CCPG1: variants seen among roughly 807,000 people sequenced by gnomAD.
CCPG1 encodes the protein cell cycle progression protein 1.
Under a neutral mutation model 81.3 loss-of-function variants are expected in CCPG1, and 46 were observed. The observed-to-expected ratio is 0.57, with a 90% CI of 0.45 to 0.72. The LOEUF (loss-of-function observed/expected upper bound fraction) is 0.72. Ranked by LOEUF, CCPG1 falls within the 30% of genes least tolerant of loss-of-function variation. CCPG1 has a pLI of 0.00. For missense variants in CCPG1, 902 were observed against 937.6 expected, an observed-to-expected ratio of 0.96 and a Z score of 0.50; for synonymous variants, 330 against 305.2, an observed-to-expected ratio of 1.08 and a Z score of -0.85.
At chr15:55,392,315 G>A (rs1033063195) in intron 1 of CCPG1, among the ~76,000 whole-genome samples, 5 of 149,414 alleles carry the variant, frequency 3.3e-5, no homozygotes, top group South Asian at 2.1e-4. Context: ...TGGTTCAAGC[G>A]ATTCTCCTGC....
intron 6 of CCPG1, among the ~76,000 whole-genome samples, chr15:55,369,324 T>C (rs1475541373): frequency 6.6e-6 from 1 of 151,978 alleles, no homozygotes; most frequent in Non-Finnish European, 1.5e-5. Context: ...TCACCTGAGG[T>C]CAGGAGTTCG....
intron 1 of CCPG1, among the ~76,000 whole-genome samples, chr15:55,406,887 G>A (rs545166036): frequency 1.6e-4 from 24 of 152,062 alleles, no homozygotes; most frequent in Non-Finnish European, 2.5e-4. Context: ...CAGCTTTTTT[G>A]ACTGAAATTC....
chr15:55,374,328 A>T, intron 5 of CCPG1: 1 of 705,472 alleles, frequency 1.4e-6, no homozygotes, highest in Non-Finnish European at 2.1e-6. Flanking sequence ...AATTAAAAAT[A>T]CTTAATTATC....
At position 55,360,393 on chromosome 15, in the gene CCPG1, T is replaced by G; in HGVS notation, c.1380A>C (p.Gly460=). ...TCTTTTTTCCATCTGTTCCTTGTTTTCCATTTTGATCTTTTGCCTCAACAT... is the reference window on the plus strand; with the variant it reads ...TCTTTTTTCCATCTGTTCCTTGTTTGCCATTTTGATCTTTTGCCTCAACAT... ...RLYVEAKDQN[G]KQGTDGKKKG... is the part of the protein sequence containing the mutation. The change falls in exon 8 of 9, where the codon GGA becomes GGC. Residue 460 remains glycine (G), a synonymous_variant. Transcript: ENST00000442196. 1 of 1,613,874 alleles carries G rather than the reference T, an allele frequency of 6.2e-7. No homozygotes were observed. Among genetic ancestry groups the G allele is most frequent in the South Asian group, 1.1e-5 (1 of 91,076 alleles).
At chr15:55,403,026 A>G (rs1485485341) in intron 1 of CCPG1, among the ~76,000 whole-genome samples, 1 of 152,186 alleles carries the variant, frequency 6.6e-6, no homozygotes, top group Admixed American at 6.5e-5. Context: ...AACCCATTTG[A>G]CTTTTTTTCT....
intron 7 of CCPG1, among the ~76,000 whole-genome samples, chr15:55,363,124 G>A (rs1165061915): frequency 6.6e-6 from 1 of 152,052 alleles, no homozygotes; most frequent in Non-Finnish European, 1.5e-5. Context: ...GAGGCAGGCA[G>A]ATTACCTGAG....
In CCPG1 at chr15:55,374,241, C is replaced by T. The variant is rs779202851; in HGVS notation, c.455-2197G>A. 3.0e-5 allele frequency: 39 copies of T among 1,287,584 alleles called. No homozygotes were observed. The South Asian group carries it at 4.8e-4, about 16-fold the overall frequency. 79.8% of individuals were successfully genotyped at this position (1,287,584 alleles called of 1,614,324 possible). On this transcript the variant is annotated intron_variant, in intron 5 of 8. Coordinates refer to ENST00000442196, the MANE Select transcript of CCPG1 (RefSeq NM_001204450.2). The stretch of plus-strand genomic sequence containing the variant: ...CTCAGGAATCTTCCACAGCTTCTCC[C>T]ACCACCTTTCTTTTGTGAATAAACA...
intron 6 of CCPG1, among the ~76,000 whole-genome samples, chr15:55,367,960 G>C (rs752164369): frequency 6.6e-6 from 1 of 151,954 alleles, no homozygotes; most frequent in Non-Finnish European, 1.5e-5. Flanking sequence ...AAAAAGTTCC[G>C]GCACTTTTTT....
intron 1 of CCPG1, among the ~76,000 whole-genome samples, chr15:55,396,691 G>A (rs1192646750): frequency 6.6e-6 from 1 of 152,206 alleles, no homozygotes; most frequent in Non-Finnish European, 1.5e-5. Flanking sequence ...TTTATGCTGG[G>A]ATAGAGAAGC....
chr15:55,375,611 G>A (rs1050540229), intron 5 of CCPG1, among the ~76,000 whole-genome samples: 4 of 151,660 alleles, frequency 2.6e-5, no homozygotes, highest in Middle Eastern at 6.3e-3. Context: ...GTGTTTTCAC[G>A]TTCATGTTTA....
chr15:55,374,440 G>A (rs1349970404), intron 5 of CCPG1, among the ~76,000 whole-genome samples: 1 of 152,048 alleles, frequency 6.6e-6, no homozygotes, highest in African/African-American at 2.4e-5. Flanking sequence ...CTTTTTGTCA[G>A]GGAAGAGAGT....
Position 55,359,536 on chromosome 15 carries a change from G to T in CCPG1, c.2234+3C>A. On this transcript the variant is annotated splice_donor_region_variant and intron_variant, in intron 8 of 8. Transcript: ENST00000442196. ...GTAATGACACGGTTTTATGTAAACC[G>T]ACCTGGGTCCATATGGAGGGGAAAA... 1.3e-6 allele frequency: 2 copies of T among 1,596,562 alleles called. No homozygotes were observed. The highest frequency in any genetic ancestry group is 2.3e-5 in the South Asian group (2 of 87,864).
chr15:55,402,544 C>G (rs2057147389), intron 1 of CCPG1, among the ~76,000 whole-genome samples: 1 of 152,040 alleles, frequency 6.6e-6, no homozygotes. Context: ...GTACTTGTTT[C>G]TAAAATACTT....
chr15:55,394,584 T>C (rs189192904), intron 1 of CCPG1, among the ~76,000 whole-genome samples: 4 of 152,274 alleles, frequency 2.6e-5, no homozygotes, highest in Admixed American at 2.6e-4. Context: ...CTCAAATCAA[T>C]AAGCCCACTT....
rs373371190 is a variant in CCPG1 at position 55,378,305 on chromosome 15, T to C, written c.247A>G (p.Ile83Val). The change falls in exon 4 of 9, where the codon ATT becomes GTT. Residue 83 changes from isoleucine to valine, a missense_variant. Ile to Val is a conservative substitution (Grantham distance 29, BLOSUM62 3). Transcript: ENST00000442196. ...AGTGTAAAATACAAGTTTACCTCAA[T>C]TGTTGAGCTGGTTTCCTCCAAAGCT... Reference protein sequence around the residue: ...YPALEETSSTIEAEEQKIPED... With the variant: ...YPALEETSSTVEAEEQKIPED... The C allele has an allele frequency of 5.4e-5, 86 of 1,602,192 alleles. 1 individual carries two copies. The African/African-American group carries it at 8.8e-4, about 16-fold the overall frequency.
At position 55,359,852 on chromosome 15, in the gene CCPG1, T is replaced by C. The variant is rs1269269642; in HGVS notation, c.1921A>G (p.Met641Val). 1.9e-6 allele frequency: 3 copies of C among 1,613,698 alleles called. No individual in the cohort carries two copies. Among genetic ancestry groups the C allele is most frequent in the East Asian group, 2.2e-5 (1 of 44,858 alleles). Residue 641 changes from methionine (M) to valine (V), a missense_variant, in exon 8 of 9, where the codon ATG becomes GTG. Physicochemically the swap from Met to Val is conservative, Grantham distance 21. Around this residue, in one of 3 missense-constraint regions of CCPG1, gnomAD observed 746 missense variants for 728.6 expected, o/e 1.02. Transcript: ENST00000442196. ...GVFDCAQQES[M>V]SLFNTVVNPI... ...TTCACCACTGTGTTAAAAAGGCTCA[T>C]GGACTCTTGTTGAGCACAATCAAAT...
intron 2 of CCPG1, among the ~76,000 whole-genome samples, chr15:55,387,151 T>C (rs1364228538): frequency 6.6e-6 from 1 of 151,832 alleles, no homozygotes; most frequent in East Asian, 1.9e-4. Flanking sequence ...AGAAGAGAGA[T>C]AAAAGTACAA....
chr15:55,362,027 G>C (rs1003370023), intron 7 of CCPG1, among the ~76,000 whole-genome samples: 1 of 151,780 alleles, frequency 6.6e-6, no homozygotes, highest in East Asian at 1.9e-4. Flanking sequence ...ATAACTGAAA[G>C]TCAGCACCCG....
intron 1 of CCPG1, among the ~76,000 whole-genome samples, chr15:55,403,223 G>C (rs976788578): frequency 6.6e-6 from 1 of 152,020 alleles, no homozygotes; most frequent in Non-Finnish European, 1.5e-5. Flanking sequence ...AAGGCAGCTT[G>C]CTATTATTTA....
Sources: allele counts gnomAD v4.1 joint callset (sites outside exome capture counted in the v4.1 genomes callset), GRCh38; gene constraint gnomAD v4.1.1; regional missense constraint gnomAD v4.1.1; transcripts MANE v1.5; gene names NCBI Gene and HGNC (gene_info 2026-07-23, HGNC 2026-07-21).